Variants in MTUS2 observed in about 807,000 individuals in gnomAD.
MTUS2 encodes the protein microtubule-associated tumor suppressor candidate 2.
MTUS2 carries 40 observed loss-of-function variants against 114.1 expected under a neutral mutation model. The ratio of observed to expected loss-of-function variants is 0.35; its 90% confidence interval spans 0.27 to 0.46. The LOEUF is 0.46. MTUS2 is among the 20% of genes least tolerant of loss of function. The pLI, the probability that MTUS2 is intolerant of heterozygous loss-of-function variation, is 1.00. For synonymous variants in MTUS2, 688 were observed against 672.0 expected (o/e 1.02, Z -0.37); for missense variants, 1,679 against 1,705.4 (o/e 0.98, Z 0.27).
intron 6 of MTUS2, among the ~76,000 whole-genome samples, chr13:29,293,261 CTT>C (rs1320768040): frequency 5.3e-5 from 8 of 151,978 alleles, no homozygotes; most frequent in African/African-American, 1.9e-4. Context: ...CAAAAAACAA[CTT>C]AATTTGAAAA....
chr13:29,124,775 A>G (rs1023637107), intron 5 of MTUS2, among the ~76,000 whole-genome samples: 7 of 152,336 alleles, frequency 4.6e-5, no homozygotes, highest in Admixed American at 1.3e-4. Flanking sequence ...ATTCTGACAC[A>G]TGCTACAACA....
At chr13:29,252,710 T>G (rs564642071) in intron 5 of MTUS2, among the ~76,000 whole-genome samples, 2 of 152,184 alleles carry the variant, frequency 1.3e-5, no homozygotes, top group South Asian at 2.1e-4. Context: ...CTCATGGTAG[T>G]GAATAAGTCT....
At chr13:28,944,418 G>A (rs1882410654) in intron 2 of MTUS2, among the ~76,000 whole-genome samples, 2 of 152,020 alleles carry the variant, frequency 1.3e-5, no homozygotes, top group Non-Finnish European at 2.9e-5. Context: ...GGTAACTTCT[G>A]TGTGCTTCAA....
At chr13:29,205,509 C>G (rs1462705234) in intron 5 of MTUS2, among the ~76,000 whole-genome samples, 1 of 152,092 alleles carries the variant, frequency 6.6e-6, no homozygotes, top group East Asian at 1.9e-4. Context: ...GCACCCTTTA[C>G]CCAAGCAGTG....
At chr13:29,243,450 G>A (rs989871679) in intron 5 of MTUS2, among the ~76,000 whole-genome samples, 1 of 152,324 alleles carries the variant, frequency 6.6e-6, no homozygotes, top group Admixed American at 6.5e-5. Flanking sequence ...CGAATGTGGA[G>A]GCTATTGATG....
chr13:28,924,127 A>G (rs1053483451), intron 2 of MTUS2, among the ~76,000 whole-genome samples: 1 of 152,100 alleles, frequency 6.6e-6, no homozygotes, highest in Admixed American at 6.5e-5. Context: ...GGATCAGAAA[A>G]TGGCAGGCCT....
chr13:28,910,878 T>C, intron 2 of MTUS2, among the ~76,000 whole-genome samples: 1 of 113,366 alleles, frequency 8.8e-6, no homozygotes, highest in Non-Finnish European at 1.8e-5. Flanking sequence ...TTTTTTTTTT[T>C]TTTTTTTTTT....
At position 29,063,647 on chromosome 13, in the gene MTUS2, C is replaced by T. The variant is rs543855985; in HGVS notation, c.2446+29522C>T. On this transcript the variant is annotated intron_variant, in intron 4 of 15. Transcript: ENST00000612955. The stretch of plus-strand genomic sequence containing the variant: ...TCATACCAAGTTATAACATGAAGAC[C>T]GTGAAATTATTAAAAAATCTTAAAG... Among the ~76,000 whole-genome samples the T allele has an allele frequency of 9.2e-5, 14 of 151,888 alleles. No individual in the cohort carries two copies. In the South Asian group the frequency reaches 2.1e-3, roughly 23 times the overall value.
intron 1 of MTUS2, among the ~76,000 whole-genome samples, chr13:28,825,353 A>G (rs1346830073): frequency 6.6e-6 from 1 of 152,126 alleles, no homozygotes; most frequent in African/African-American, 2.4e-5. Context: ...TGGAACTATG[A>G]TGTATAAAAG....
rs9551660 is a variant in MTUS2, at chr13:29,367,929, C to T, written c.3117+8456C>T. On this transcript the variant is annotated intron_variant, in intron 8 of 15. Transcript: ENST00000612955. Reference sequence around the variant, plus strand: ...CCTGTAGCTTTTCTTTTTTTTCCTCCTAGAATCTACTTCTTTTTTTTTTTT... The same window carrying T: ...CCTGTAGCTTTTCTTTTTTTTCCTCTTAGAATCTACTTCTTTTTTTTTTTT... 1.2e-4 allele frequency among the ~76,000 whole-genome samples: 17 copies of T among 142,634 alleles called. No individual in the cohort carries two copies. In the East Asian group the frequency reaches 3.0e-3, roughly 25 times the overall value. 93.6% of individuals were successfully genotyped at this position (142,634 alleles called of 152,430 possible).
chr13:29,503,490 C>A lies in MTUS2; in HGVS notation c.*284C>A, dbSNP rs1883048355. The A allele has an allele frequency of 1.8e-6, 1 of 548,946 alleles. No individual in the cohort carries two copies. Among genetic ancestry groups the A allele is most frequent in the Non-Finnish European group, 3.3e-6 (1 of 305,524 alleles). 34.0% of individuals were successfully genotyped at this position (548,946 alleles called of 1,614,324 possible). A position where few individuals can be genotyped will look rare whatever the true frequency, so the allele number is the denominator to read the frequency against. On this transcript the variant is annotated 3_prime_UTR_variant, in exon 16 of 16. Transcript: ENST00000612955. ...GCAATGAACTTTCACTGCAGAATTT[C>A]AGGTTAGTTACAAAAAGCTCAGTTT...
intron 5 of MTUS2, among the ~76,000 whole-genome samples, chr13:29,159,341 A>G (rs1186610486): frequency 2.0e-5 from 3 of 152,198 alleles, no homozygotes; most frequent in Non-Finnish European, 4.4e-5. Flanking sequence ...TGTGTATACT[A>G]TATATACACA....
chr13:29,346,340 G>A (rs536445396), intron 7 of MTUS2, among the ~76,000 whole-genome samples: 1 of 152,248 alleles, frequency 6.6e-6, no homozygotes, highest in East Asian at 1.9e-4. Flanking sequence ...ATTTAGGCAT[G>A]TCTGGGCTCA....
chr13:29,291,726 G>A (rs749727135), intron 6 of MTUS2, among the ~76,000 whole-genome samples: 13 of 152,180 alleles, frequency 8.5e-5, no homozygotes, highest in African/African-American at 1.7e-4. Context: ...AGATCCATGA[G>A]GGAGAGGCCT....
intron 5 of MTUS2, among the ~76,000 whole-genome samples, chr13:29,161,430 ATAT>A (rs1241033519): frequency 2.0e-5 from 3 of 150,638 alleles, no homozygotes; most frequent in Middle Eastern, 3.4e-3. Flanking sequence ...TATATAACAT[ATAT>A]TATTATAATA....
At chr13:29,406,924 C>A (rs186962937) in intron 8 of MTUS2, among the ~76,000 whole-genome samples, 3 of 152,114 alleles carry the variant, frequency 2.0e-5, no homozygotes, top group Admixed American at 1.3e-4. Flanking sequence ...TATCAATATG[C>A]CATAATTTAG....
intron 4 of MTUS2, among the ~76,000 whole-genome samples, chr13:29,094,185 G>A (rs757790847): frequency 1.4e-4 from 21 of 152,044 alleles, no homozygotes; most frequent in Non-Finnish European, 2.9e-4. Flanking sequence ...TCTGGTTTTA[G>A]CATCAAGATT....
At chr13:29,124,465 C>G (rs1452234503) in intron 5 of MTUS2, among the ~76,000 whole-genome samples, 3 of 151,944 alleles carry the variant, frequency 2.0e-5, no homozygotes, top group Non-Finnish European at 4.4e-5. Context: ...GACATTGGAA[C>G]CCTCATGCAT....
chr13:29,445,099 C>G (rs960757217), intron 9 of MTUS2, among the ~76,000 whole-genome samples: 1 of 152,320 alleles, frequency 6.6e-6, no homozygotes, highest in Non-Finnish European at 1.5e-5. Context: ...GCATAGTGCC[C>G]TCTACCAGAG....
Sources: gnomAD v4.1 joint callset for allele counts (sites outside exome capture counted in the v4.1 genomes callset) on GRCh38, gnomAD v4.1.1 for gene constraint, MANE v1.5 for transcripts, NCBI Gene and HGNC (gene_info 2026-07-23, HGNC 2026-07-21) for gene names.